Variants in PDE11A observed in about 807,000 individuals in gnomAD.
PDE11A encodes the protein phosphodiesterase 11A.
PDE11A carries 100 observed loss-of-function variants against 100.5 expected under a neutral mutation model. That is an observed-to-expected ratio of 1.00 (90% CI 0.85 to 1.18). The LOEUF is 1.18. Among genes scored for constraint, PDE11A ranks in the 50% most tolerant of loss-of-function variants. The pLI is 0.00. For missense variants in PDE11A, 1,141 were observed against 1,152.6 expected, an observed-to-expected ratio of 0.99 and a Z score of 0.15; for synonymous variants, 381 against 420.8, an observed-to-expected ratio of 0.91 and a Z score of 1.16.
intron 2 of PDE11A, among the ~76,000 whole-genome samples, chr2:177,910,155 T>C (rs1240805133): frequency 6.6e-6 from 1 of 152,164 alleles, no homozygotes; most frequent in Non-Finnish European, 1.5e-5. Flanking sequence ...TCTTTGTTAA[T>C]GTAGGAAATG....
intron 18 of PDE11A, among the ~76,000 whole-genome samples, chr2:177,668,517 T>C (rs78027503): frequency 0.11 from 17,121 of 152,256 alleles, 1,086 homozygotes; most frequent in East Asian, 0.26. Context: ...TCAACCTATG[T>C]AGCCTCCTGA....
intron 2 of PDE11A, among the ~76,000 whole-genome samples, chr2:177,992,755 T>C (rs1445492782): frequency 6.6e-6 from 1 of 152,136 alleles, no homozygotes; most frequent in Non-Finnish European, 1.5e-5. Context: ...AATAGAACAT[T>C]GATCTATCCA....
In PDE11A at chr2:177,626,849, A is replaced by T. The variant is rs920934389; in HGVS notation, c.*2558T>A. 2.2e-5 allele frequency: 3 copies of T among 136,040 alleles called. No homozygotes were observed. The highest frequency in any genetic ancestry group is 8.4e-5 in the African/African-American group (3 of 35,632). The allele number at this position is 136,040 out of a possible 1,614,324, so 8.4% of individuals were successfully genotyped here. A position where few individuals can be genotyped will look rare whatever the true frequency, so the allele number is the denominator to read the frequency against. On this transcript the variant is annotated 3_prime_UTR_variant, in exon 20 of 20. Transcript: ENST00000286063. The stretch of plus-strand genomic sequence containing the variant: ...ATTGATGACAGGGTTCTACACCTTC[A>T]TTTTTTTTGGTTGGAAGTGCCATTT...
At chr2:177,773,323 A>AT (rs907495318) in intron 9 of PDE11A, among the ~76,000 whole-genome samples, 3 of 152,108 alleles carry the variant, frequency 2.0e-5, no homozygotes, top group East Asian at 1.9e-4. Context: ...CCTTTCTAAA[A>AT]TTTTTTTACT....
At chr2:178,106,868 G>C (rs1485493936) in intron 1 of PDE11A, among the ~76,000 whole-genome samples, 1 of 147,854 alleles carries the variant, frequency 6.8e-6, no homozygotes, top group South Asian at 2.1e-4. Flanking sequence ...GCTGAGGTGA[G>C]AGAATCACTT....
intron 3 of PDE11A, among the ~76,000 whole-genome samples, chr2:177,898,737 T>C (rs546404991): frequency 6.6e-6 from 1 of 152,290 alleles, no homozygotes; most frequent in Admixed American, 6.5e-5. Context: ...ATGTTAAATA[T>C]ACTCTTTTAA....
intron 14 of PDE11A, among the ~76,000 whole-genome samples, chr2:177,700,436 A>G (rs2081180688): frequency 6.6e-6 from 1 of 151,794 alleles, no homozygotes; most frequent in Non-Finnish European, 1.5e-5. Context: ...CGCTTGCAGA[A>G]AATGAAACAG....
intron 1 of PDE11A, chr2:178,018,142 C>T: frequency 3.5e-6 from 1 of 288,194 alleles, no homozygotes; most frequent in Non-Finnish European, 6.9e-6. Context: ...GCATGTTCAC[C>T]TGCCACCCAG....
intron 19 of PDE11A, among the ~76,000 whole-genome samples, chr2:177,643,256 T>C (rs180935911): frequency 3.3e-4 from 50 of 152,274 alleles, no homozygotes; most frequent in African/African-American, 1.0e-3. Context: ...GTGGGAAAGT[T>C]TGGAACTCCC....
chr2:178,050,869 A>G (rs1183369061), intron 1 of PDE11A, among the ~76,000 whole-genome samples: 1 of 152,206 alleles, frequency 6.6e-6, no homozygotes, highest in Non-Finnish European at 1.5e-5. Context: ...AAAAGACCAA[A>G]TCTACGTCTG....
chr2:177,759,173 G>GCACACACACACACACA (rs10541503), intron 10 of PDE11A, among the ~76,000 whole-genome samples: 221 of 147,514 alleles, frequency 1.5e-3, no homozygotes, highest in African/African-American at 5.4e-3. Context: ...TGGAGCACGT[G>GCACACACACACACACA]CACACACACA....
At chr2:177,663,442 A>T (rs940549542) in intron 19 of PDE11A, among the ~76,000 whole-genome samples, 33 of 134,186 alleles carry the variant, frequency 2.5e-4, no homozygotes, top group Non-Finnish European at 2.6e-4. Flanking sequence ...AAAATTTGTA[A>T]AAAAAAAAAA....
At chr2:177,912,275 A>G (rs1038212294) in intron 2 of PDE11A, among the ~76,000 whole-genome samples, 10 of 152,210 alleles carry the variant, frequency 6.6e-5, no homozygotes, top group African/African-American at 2.4e-4. Flanking sequence ...GTCCCTGAGT[A>G]TTAAAGCTGG....
chr2:178,054,208 T>C (rs1400735088), intron 1 of PDE11A, among the ~76,000 whole-genome samples: 1 of 152,072 alleles, frequency 6.6e-6, no homozygotes, highest in African/African-American at 2.4e-5. Context: ...TCTACAACCA[T>C]CTGATCTTTG....
chr2:177,660,461 T>C (rs1041013492), intron 19 of PDE11A, among the ~76,000 whole-genome samples: 1 of 152,180 alleles, frequency 6.6e-6, no homozygotes, highest in Non-Finnish European at 1.5e-5. Flanking sequence ...CATCGTTTTT[T>C]TCTGTTTTAT....
chr2:178,103,183 TG>T (rs36092127), intron 2 of PDE11A, among the ~76,000 whole-genome samples: 65,377 of 151,560 alleles, frequency 0.43, 14,321 homozygotes, highest in African/African-American at 0.46. Context: ...ACATTTCCAG[TG>T]GGGGGGGAAG....
intron 2 of PDE11A, among the ~76,000 whole-genome samples, chr2:177,972,289 C>G (rs970474198): frequency 6.6e-5 from 10 of 152,186 alleles, no homozygotes; most frequent in African/African-American, 2.4e-4. Context: ...AGGAAGAGAA[C>G]AGTGACAGAA....
rs1559114051 is a variant in PDE11A at position 177,626,845 on chromosome 2, C to G, written c.*2562G>C. ...AGCAATTGATGACAGGGTTCTACAC[C>G]TTCATTTTTTTTGGTTGGAAGTGCC... On this transcript the variant is annotated 3_prime_UTR_variant, in exon 20 of 20. Coordinates refer to ENST00000286063, the MANE Select transcript of PDE11A (RefSeq NM_016953.4). 6.6e-6 allele frequency: 1 copy of G among 151,064 alleles called. No homozygotes were observed. Among genetic ancestry groups the G allele is most frequent in the Non-Finnish European group, 1.5e-5 (1 of 67,872 alleles). The allele number at this position is 151,064 out of a possible 1,614,324, so 9.4% of individuals were successfully genotyped here. A position where few individuals can be genotyped will look rare whatever the true frequency, so the allele number is the denominator to read the frequency against.
chr2:178,060,937 CTTTTTT>C (rs71010855), intron 1 of PDE11A, among the ~76,000 whole-genome samples: 2 of 75,678 alleles, frequency 2.6e-5, no homozygotes, highest in African/African-American at 1.1e-4. Flanking sequence ...TGTAAATATT[CTTTTTT>C]TTTTTTTTTT....
Sources: gnomAD v4.1 joint callset for allele counts (sites outside exome capture counted in the v4.1 genomes callset) on GRCh38, gnomAD v4.1.1 for gene constraint, MANE v1.5 for transcripts, NCBI Gene and HGNC (gene_info 2026-07-23, HGNC 2026-07-21) for gene names.